The following ADGRL3 variants were observed in gnomAD, a reference collection of about 807,000 sequenced individuals.
ADGRL3 encodes adhesion G protein-coupled receptor L3.
Under a neutral mutation model 153.5 loss-of-function variants are expected in ADGRL3, and 62 were observed. The ratio of observed to expected loss-of-function variants is 0.40; its 90% CI spans 0.33 to 0.50. ADGRL3 has a LOEUF of 0.50. ADGRL3 is among the 20% of genes least tolerant of loss of function. ADGRL3 has a pLI of 0.47. For missense variants in ADGRL3, 1,641 were observed against 1,859.4 expected (o/e 0.88, Z 2.16); for synonymous variants, 710 against 672.5 (o/e 1.06, Z -0.86).
intron 17 of ADGRL3, among the ~76,000 whole-genome samples, chr4:61,957,234 C>T (rs572136751): frequency 6.6e-6 from 1 of 152,124 alleles, no homozygotes; most frequent in East Asian, 1.9e-4. Context: ...TGTAGTTCTC[C>T]TTGAAGACAT....
rs185190345 is a variant in ADGRL3, at chr4:61,281,936, C to T, written c.-240+80171C>T. On this transcript the variant is annotated intron_variant, in intron 1 of 26. Transcript: ENST00000683033. ...CAATGTGAATATACCTTCCAAACCA[C>T]CCATTTTGTTTCTCTGTACTGGTAG... Among the ~76,000 whole-genome samples the T allele has an allele frequency of 2.8e-4, 42 of 152,212 alleles. 1 individual carries two copies. In the East Asian group the frequency reaches 5.6e-3, roughly 20 times the overall value.
At chr4:61,696,129 A>G (rs199903363) in intron 6 of ADGRL3, among the ~76,000 whole-genome samples, 2 of 152,186 alleles carry the variant, frequency 1.3e-5, no homozygotes, top group East Asian at 3.9e-4. Flanking sequence ...CTGGAGTAGC[A>G]CTTTTAATTT....
At chr4:61,789,439 G>A (rs552797861) in intron 8 of ADGRL3, among the ~76,000 whole-genome samples, 4 of 152,154 alleles carry the variant, frequency 2.6e-5, no homozygotes, top group Non-Finnish European at 4.4e-5. Flanking sequence ...ATTGCTTTGA[G>A]TATTATAATC....
intron 2 of ADGRL3, among the ~76,000 whole-genome samples, chr4:61,473,797 T>C (rs554411209): frequency 2.1e-4 from 32 of 152,230 alleles, no homozygotes; most frequent in Non-Finnish European, 8.8e-5. Context: ...CATTGGTTTG[T>C]TTTAGCACAA....
chr4:61,334,000 C>G (rs2095627138), intron 1 of ADGRL3, among the ~76,000 whole-genome samples: 1 of 151,112 alleles, frequency 6.6e-6, no homozygotes, highest in African/African-American at 2.4e-5. Flanking sequence ...ACTGCAATCT[C>G]TGCCTCGCTG....
chr4:61,489,489 A>G (rs754582596), intron 2 of ADGRL3, among the ~76,000 whole-genome samples: 25 of 148,986 alleles, frequency 1.7e-4, no homozygotes, highest in Non-Finnish European at 2.7e-4. Context: ...GTTATAAAAT[A>G]TACATCTATC....
At chr4:61,979,188 C>G (rs2099058729) in intron 17 of ADGRL3, among the ~76,000 whole-genome samples, 3 of 152,110 alleles carry the variant, frequency 2.0e-5, no homozygotes, top group African/African-American at 7.2e-5. Context: ...ATAGTATTCC[C>G]TACTGGAGAT....
chr4:61,385,869 G>A (rs1312095717), intron 2 of ADGRL3: 1 of 152,072 alleles, frequency 6.6e-6, no homozygotes, highest in Non-Finnish European at 1.5e-5. Context: ...CATATGTATA[G>A]ACACAGACTC....
intron 9 of ADGRL3, among the ~76,000 whole-genome samples, chr4:61,884,783 C>A (rs1184711018): frequency 1.3e-5 from 2 of 151,608 alleles, no homozygotes. Context: ...TGCCACCACG[C>A]CCGGCTAATT....
intron 9 of ADGRL3, among the ~76,000 whole-genome samples, chr4:61,828,948 C>T (rs1402104979): frequency 6.6e-6 from 1 of 152,150 alleles, no homozygotes; most frequent in African/African-American, 2.4e-5. Context: ...TTCTGTTGCT[C>T]TAAAACTATT....
chr4:61,750,470 G>T (rs2096740214), intron 8 of ADGRL3, among the ~76,000 whole-genome samples: 1 of 152,164 alleles, frequency 6.6e-6, no homozygotes. Flanking sequence ...GAAAAACAAG[G>T]TAAGGAAAAG....
chr4:61,847,669 TATAAA>T (rs2098136322), intron 9 of ADGRL3, among the ~76,000 whole-genome samples: 1 of 60,198 alleles, frequency 1.7e-5, no homozygotes, highest in African/African-American at 7.3e-5. Flanking sequence ...ATATATATAA[TATAAA>T]ATATATTATA....
At chr4:61,429,682 G>C (rs1051574975) in intron 2 of ADGRL3, among the ~76,000 whole-genome samples, 1 of 152,028 alleles carries the variant, frequency 6.6e-6, no homozygotes, top group Non-Finnish European at 1.5e-5. Flanking sequence ...TAGGCATTGT[G>C]ATTTAAGAAA....
intron 1 of ADGRL3, among the ~76,000 whole-genome samples, chr4:61,244,932 G>T (rs1314841426): frequency 6.6e-6 from 1 of 151,972 alleles, no homozygotes; most frequent in Non-Finnish European, 1.5e-5. Flanking sequence ...TGTAATGGAA[G>T]AGTGTTTGTT....
At chr4:61,245,005 T>C (rs749325413) in intron 1 of ADGRL3, among the ~76,000 whole-genome samples, 2 of 152,090 alleles carry the variant, frequency 1.3e-5, no homozygotes, top group African/African-American at 4.8e-5. Flanking sequence ...TCCTTTACTC[T>C]TCTGGAGATA....
At chr4:61,953,095 CTA>C (rs1490878821) in intron 17 of ADGRL3, among the ~76,000 whole-genome samples, 1 of 152,130 alleles carries the variant, frequency 6.6e-6, no homozygotes, top group African/African-American at 2.4e-5. Context: ...CTGATCATCT[CTA>C]GAGTTTCAAA....
chr4:61,499,894 A>C (rs901537811), intron 3 of ADGRL3, among the ~76,000 whole-genome samples: 1 of 152,032 alleles, frequency 6.6e-6, no homozygotes, highest in African/African-American at 2.4e-5. Context: ...GACACATACT[A>C]TGTATTTCAG....
chr4:61,617,121 T>A (rs928778993), intron 5 of ADGRL3, among the ~76,000 whole-genome samples: 1 of 152,194 alleles, frequency 6.6e-6, no homozygotes, highest in African/African-American at 2.4e-5. Context: ...TTCGTAGGCA[T>A]AGGATTGATT....
chr4:61,817,135 G>A (rs2097696478), intron 9 of ADGRL3, among the ~76,000 whole-genome samples: 1 of 148,608 alleles, frequency 6.7e-6, no homozygotes, highest in South Asian at 2.1e-4. Context: ...AGGTAGCTTG[G>A]CACAGGTCTG....
Sources: gnomAD v4.1 joint callset for allele counts (sites outside exome capture counted in the v4.1 genomes callset) on GRCh38, gnomAD v4.1.1 for gene constraint, MANE v1.5 for transcripts, NCBI Gene and HGNC (gene_info 2026-07-23, HGNC 2026-07-21) for gene names.